The following SUV39H2 variants were observed in gnomAD, a reference collection of about 807,000 sequenced individuals.
The protein encoded by SUV39H2 is histone-lysine N-methyltransferase SUV39H2.
In SUV39H2, 10 loss-of-function variants were observed where a neutral mutation model predicts 47.5. That is an observed-to-expected ratio of 0.21 (90% CI 0.13 to 0.36). The LOEUF (loss-of-function observed/expected upper bound fraction) is 0.36. Ranked by LOEUF, SUV39H2 falls within the 10% of genes least tolerant of loss-of-function variation. SUV39H2 has a pLI of 1.00. For synonymous variants in SUV39H2, 159 were observed against 166.8 expected (o/e 0.95, Z 0.36); for missense variants, 266 against 487.4 (o/e 0.55, Z 4.28).
intron 2 of SUV39H2, among the ~76,000 whole-genome samples, chr10:14,885,346 C>T (rs1218690098): frequency 6.6e-6 from 1 of 152,224 alleles, no homozygotes; most frequent in Non-Finnish European, 1.5e-5. Flanking sequence ...ACTTACCTAA[C>T]CTCATGATTG....
At chr10:14,892,723 T>TA (rs1833427314) in intron 2 of SUV39H2, among the ~76,000 whole-genome samples, 1 of 152,180 alleles carries the variant, frequency 6.6e-6, no homozygotes, top group Admixed American at 6.5e-5. Context: ...TATTTCCCTA[T>TA]ACCCCCTAGT....
intron 2 of SUV39H2, among the ~76,000 whole-genome samples, chr10:14,888,855 A>C (rs1833296893): frequency 6.6e-6 from 1 of 152,298 alleles, no homozygotes; most frequent in East Asian, 1.9e-4. Context: ...CTGTAATCCC[A>C]GCACTTTGGG....
At chr10:14,883,594 A>G (rs916611481) in intron 2 of SUV39H2, among the ~76,000 whole-genome samples, 2 of 150,676 alleles carry the variant, frequency 1.3e-5, no homozygotes, top group Non-Finnish European at 2.9e-5. Context: ...AATCCCAGCT[A>G]CTCAGGAGGC....
chr10:14,900,726 G>A (rs548749499), intron 4 of SUV39H2, among the ~76,000 whole-genome samples: 1 of 152,242 alleles, frequency 6.6e-6, no homozygotes, highest in East Asian at 1.9e-4. Context: ...CTGTAGTGCA[G>A]ATTTGATTTT....
intron 1 of SUV39H2, among the ~76,000 whole-genome samples, chr10:14,879,461 G>A (rs1045678274): frequency 2.6e-5 from 4 of 152,210 alleles, no homozygotes; most frequent in South Asian, 2.1e-4. Flanking sequence ...AGGCGGACAC[G>A]CTAGGAGGTT....
chr10:14,888,400 C>A (rs1315486277), intron 2 of SUV39H2, among the ~76,000 whole-genome samples: 1 of 151,878 alleles, frequency 6.6e-6, no homozygotes, highest in East Asian at 1.9e-4. Context: ...CTTTGGGAGG[C>A]CGAGGCGGGC....
rs529177436 is a variant in SUV39H2 at position 14,902,559 on chromosome 10, T to C, written c.*47T>C. The C allele has an allele frequency of 1.9e-4, 234 of 1,240,436 alleles. No individual in the cohort carries two copies. The highest frequency in any genetic ancestry group is 2.4e-4 in the Non-Finnish European group (213 of 900,982). 76.8% of individuals were successfully genotyped at this position (1,240,436 alleles called of 1,614,324 possible). On this transcript the variant is annotated 3_prime_UTR_variant, in exon 6 of 6. Transcript: ENST00000354919. ...GATGATTATAATATTTTTTTCCTAA[T>C]GTTAACATTTTTAAAAATACATATT... is the stretch of plus-strand genomic sequence containing the variant.
intron 3 of SUV39H2, chr10:14,898,849 T>TA (rs1833787764): frequency 5.3e-6 from 1 of 187,116 alleles, no homozygotes; most frequent in African/African-American, 2.3e-5. Context: ...CAATTTTCCA[T>TA]TTGTAACTGC....
rs574636374 is a variant in SUV39H2 at position 14,894,266 on chromosome 10, G to A, written c.178-2580G>A. Among the ~76,000 whole-genome samples the A allele has an allele frequency of 4.3e-3, 592 of 139,284 alleles. 9 individuals are homozygous for A. Among genetic ancestry groups the A allele is most frequent in the Admixed American group, 4.5e-3 (61 of 13,474 alleles). The allele number at this position is 139,284 out of a possible 152,430, so 91.4% of individuals were successfully genotyped here. ...TGGAACCGCAATATATATTTCCACA[G>A]AATTACAGTTTTTGTGCATTTCTGC... On this transcript the variant is annotated intron_variant, in intron 2 of 5. Coordinates refer to ENST00000354919, the MANE Select transcript of SUV39H2 (RefSeq NM_001193424.2).
chr10:14,897,767 A>T (rs1376146788), intron 3 of SUV39H2: 2 of 268,244 alleles, frequency 7.5e-6, no homozygotes, highest in Non-Finnish European at 1.4e-5. Flanking sequence ...CATTCCTACT[A>T]GTCAAACCTA....
chr10:14,892,977 C>T (rs1486935077), intron 2 of SUV39H2, among the ~76,000 whole-genome samples: 9 of 150,638 alleles, frequency 6.0e-5, no homozygotes, highest in Non-Finnish European at 1.3e-4. Context: ...CTGCCCACCA[C>T]CATGCCGAGC....
intron 1 of SUV39H2, among the ~76,000 whole-genome samples, chr10:14,879,401 A>T (rs950924091): frequency 7.2e-5 from 11 of 152,152 alleles, no homozygotes; most frequent in African/African-American, 2.4e-4. Context: ...GGGAGAGTAA[A>T]TCGGGGCGCC....
intron 2 of SUV39H2, among the ~76,000 whole-genome samples, chr10:14,888,584 C>T (rs917007671): frequency 1.3e-5 from 2 of 149,864 alleles, no homozygotes; most frequent in Middle Eastern, 3.2e-3. Flanking sequence ...TGCAGTGAGC[C>T]GAGTTTGCAC....
Position 14,899,342 on chromosome 10 carries a change from T to C in SUV39H2, c.850-197T>C, listed in dbSNP as rs1351567221. ...TTAAAAAAAAAAGGTCATCAGTCTTTTGCATTATCATTTTTCTTCCCCTCA... is the reference window on the plus strand; with the variant it reads ...TTAAAAAAAAAAGGTCATCAGTCTTCTGCATTATCATTTTTCTTCCCCTCA... On this transcript the variant is annotated intron_variant, in intron 3 of 5. Transcript: ENST00000354919. 9 of 696,424 alleles carry C rather than the reference T, an allele frequency of 1.3e-5. No homozygotes were observed. The African/African-American group carries it at 1.6e-4, about 12-fold the overall frequency. The allele number at this position is 696,424 out of a possible 1,614,324, so 43.1% of individuals were successfully genotyped here. A position where few individuals can be genotyped will look rare whatever the true frequency, so the allele number is the denominator to read the frequency against.
rs1245698317 is a variant in SUV39H2, at chr10:14,903,426, C to T, written c.*914C>T. 3 of 152,206 alleles carry T rather than the reference C, an allele frequency of 2.0e-5. No homozygotes were observed. The highest frequency in any genetic ancestry group is 4.4e-5 in the Non-Finnish European group (3 of 68,042). The allele number at this position is 152,206 out of a possible 1,614,324, so 9.4% of individuals were successfully genotyped here. On this transcript the variant is annotated 3_prime_UTR_variant, in exon 6 of 6. Transcript: ENST00000354919. ...CTAACAATACTGTAATGTACATTAA[C>T]ATTACAGCCTCTCAATTTCAGGCAG...
At chr10:14,900,268 T>A (rs1389319896) in intron 4 of SUV39H2, among the ~76,000 whole-genome samples, 1 of 152,162 alleles carries the variant, frequency 6.6e-6, no homozygotes, top group South Asian at 2.1e-4. Flanking sequence ...TTCCAAAAAT[T>A]AGGGAAGTTA....
intron 2 of SUV39H2, among the ~76,000 whole-genome samples, chr10:14,895,431 C>T (rs537319081): frequency 1.3e-5 from 2 of 152,214 alleles, no homozygotes; most frequent in Non-Finnish European, 2.9e-5. Flanking sequence ...CCACCTCTGC[C>T]TCCCAAAGTG....
Position 14,899,524 on chromosome 10 carries a change from G to C in SUV39H2, c.850-15G>C, listed in dbSNP as rs1183518375. 6.2e-7 allele frequency: 1 copy of C among 1,613,144 alleles called. No homozygotes were observed. ...TCAGTAGCTACGTAATATACTTACA[G>C]TTTTTTCTGTTTAGGTAATCACAAG... On this transcript the variant is annotated splice_polypyrimidine_tract_variant and intron_variant, in intron 3 of 5. Coordinates refer to ENST00000354919, the MANE Select transcript of SUV39H2 (RefSeq NM_001193424.2).
chr10:14,887,785 A>G (rs1343330546), intron 2 of SUV39H2, among the ~76,000 whole-genome samples: 1 of 152,244 alleles, frequency 6.6e-6, no homozygotes, highest in Admixed American at 6.5e-5. Flanking sequence ...CAGTTGGACA[A>G]AGTACTTATT....
Sources: gnomAD v4.1 joint callset for allele counts (sites outside exome capture counted in the v4.1 genomes callset) on GRCh38, gnomAD v4.1.1 for gene constraint, MANE v1.5 for transcripts, NCBI Gene and HGNC (gene_info 2026-07-23, HGNC 2026-07-21) for gene names.